Variants in NREP observed in about 807,000 individuals in gnomAD.
NREP encodes neuronal regeneration related protein.
In NREP, 5 loss-of-function variants were observed where a neutral mutation model predicts 8.6. The observed-to-expected ratio is 0.58, with a 90% CI of 0.30 to 1.22. The LOEUF (loss-of-function observed/expected upper bound fraction) is 1.22. Among genes scored for constraint, NREP ranks in the 50% most tolerant of loss-of-function variants. NREP has a pLI of 0.07. For missense variants in NREP, 86 were observed against 82.5 expected (o/e 1.04, Z -0.17); for synonymous variants, 27 against 28.0 (o/e 0.96, Z 0.11).
At chr5:111,958,770 GC>G in intron 2 of NREP, among the ~76,000 whole-genome samples, 1 of 151,848 alleles carries the variant, frequency 6.6e-6, no homozygotes. Context: ...ATAAGAATTT[GC>G]AAAAACACAG....
chr5:111,941,592 A>G (rs1755831407), intron 2 of NREP, among the ~76,000 whole-genome samples: 1 of 152,054 alleles, frequency 6.6e-6, no homozygotes, highest in African/African-American at 2.4e-5. Flanking sequence ...TCACATTCTG[A>G]AGTATTAGGG....
At chr5:111,802,576 C>T (rs749100069) in intron 2 of NREP, among the ~76,000 whole-genome samples, 7 of 151,934 alleles carry the variant, frequency 4.6e-5, no homozygotes, top group Non-Finnish European at 1.0e-4. Context: ...TTTTAAAATG[C>T]AATTTAACAA....
intron 2 of NREP, among the ~76,000 whole-genome samples, chr5:111,854,938 T>C (rs1052620030): frequency 6.6e-5 from 10 of 152,208 alleles, no homozygotes; most frequent in African/African-American, 9.6e-5. Flanking sequence ...TTAATAGCTA[T>C]GTACTATTCC....
At chr5:111,916,960 G>C (rs1004095046) in intron 2 of NREP, among the ~76,000 whole-genome samples, 1 of 152,102 alleles carries the variant, frequency 6.6e-6, no homozygotes, top group Non-Finnish European at 1.5e-5. Flanking sequence ...GAGCAGGAAA[G>C]AAAGGAAAGT....
chr5:111,929,379 A>G (rs1299289914), intron 2 of NREP, among the ~76,000 whole-genome samples: 1 of 152,214 alleles, frequency 6.6e-6, no homozygotes, highest in African/African-American at 2.4e-5. Context: ...TTGGGGAGCT[A>G]CTGAGTCCTT....
At chr5:111,896,583 C>G (rs565037037) in intron 2 of NREP, among the ~76,000 whole-genome samples, 1 of 152,148 alleles carries the variant, frequency 6.6e-6, no homozygotes, top group Admixed American at 6.6e-5. Context: ...AGAGAGGCTA[C>G]CAACCATTTA....
At chr5:111,851,487 A>AAG (rs757807450) in intron 2 of NREP, among the ~76,000 whole-genome samples, 1 of 152,028 alleles carries the variant, frequency 6.6e-6, no homozygotes, top group African/African-American at 2.4e-5. Context: ...TAAAGAGAGA[A>AAG]AGAGAGAGAG....
chr5:111,873,356 A>T (rs1046707061), intron 2 of NREP, among the ~76,000 whole-genome samples: 2 of 152,184 alleles, frequency 1.3e-5, no homozygotes, highest in Non-Finnish European at 2.9e-5. Flanking sequence ...TAATTGCTAT[A>T]TAGGCCAGAA....
chr5:111,735,363 T>C lies in NREP; in HGVS notation c.81+67A>G, dbSNP rs184832668. On this transcript the variant is annotated intron_variant, in intron 3 of 3. Coordinates refer to ENST00000257435, the MANE Select transcript of NREP (RefSeq NM_004772.4). Reference sequence around the variant, plus strand: ...AATGGGTATTCAAATGAAAAAGCTCTGATATTTTAAAACAATTGTTTCTAT... The same window carrying C: ...AATGGGTATTCAAATGAAAAAGCTCCGATATTTTAAAACAATTGTTTCTAT... 8.4e-4 allele frequency: 943 copies of C among 1,121,932 alleles called. 3 individuals are homozygous for C. Among genetic ancestry groups the C allele is most frequent in the Non-Finnish European group, 2.3e-4 (168 of 743,496 alleles). The allele number at this position is 1,121,932 out of a possible 1,614,324, so 69.5% of individuals were successfully genotyped here.
At chr5:111,765,516 G>A (rs376492465) in intron 2 of NREP, among the ~76,000 whole-genome samples, 1 of 152,192 alleles carries the variant, frequency 6.6e-6, no homozygotes, top group Non-Finnish European at 1.5e-5. Flanking sequence ...CTGTGACATA[G>A]GTATCATCAG....
intron 2 of NREP, among the ~76,000 whole-genome samples, chr5:111,946,286 A>G (rs752818742): frequency 9.2e-5 from 14 of 152,040 alleles, no homozygotes; most frequent in Admixed American, 3.9e-4. Context: ...CCAAAAAACA[A>G]GATCCTCAAA....
chr5:111,928,936 C>T (rs749650746), intron 2 of NREP, among the ~76,000 whole-genome samples: 5 of 152,004 alleles, frequency 3.3e-5, no homozygotes, highest in Admixed American at 2.6e-4. Flanking sequence ...ACAAAAAAAC[C>T]CTAGAGTAAT....
intron 2 of NREP, among the ~76,000 whole-genome samples, chr5:111,881,998 G>A (rs1581187919): frequency 6.6e-6 from 1 of 152,226 alleles, no homozygotes; most frequent in Non-Finnish European, 1.5e-5. Flanking sequence ...TTGACGAGTT[G>A]AGAGAAGAAG....
intron 2 of NREP, among the ~76,000 whole-genome samples, chr5:111,952,192 C>T (rs1265592230): frequency 6.6e-6 from 1 of 152,076 alleles, no homozygotes; most frequent in African/African-American, 2.4e-5. Context: ...AGGAAAGAAG[C>T]CCTGTCTTTT....
At chr5:111,814,787 T>G (rs1173220753) in intron 2 of NREP, among the ~76,000 whole-genome samples, 1 of 152,050 alleles carries the variant, frequency 6.6e-6, no homozygotes, top group African/African-American at 2.4e-5. Flanking sequence ...AACACATTGC[T>G]CTAGGAGTTG....
intron 1 of NREP, among the ~76,000 whole-genome samples, chr5:111,976,016 G>T (rs1756950742): frequency 6.6e-6 from 1 of 152,076 alleles, no homozygotes; most frequent in Non-Finnish European, 1.5e-5. Context: ...TTGTTAGAGT[G>T]AAACCTTTTT....
intron 2 of NREP, among the ~76,000 whole-genome samples, chr5:111,867,035 A>G (rs1305513708): frequency 6.6e-6 from 1 of 152,120 alleles, no homozygotes; most frequent in Non-Finnish European, 1.5e-5. Context: ...TTGGAGATAT[A>G]CCTAATGTTA....
rs1457719651 is a variant in NREP, at chr5:111,767,745, A to G, written c.136-32238T>C. On this transcript the variant is annotated intron_variant, in intron 2 of 3. Coordinates refer to the NREP transcript ENST00000395634. ...CAGTGGCACAATCACAGCTCACTAC[A>G]GACTCCACCTCCTAGTCTCAAGTGA... Among the ~76,000 whole-genome samples the G allele has an allele frequency of 6.6e-5, 10 of 152,252 alleles. 1 individual carries two copies. The East Asian group carries it at 1.9e-3, about 29-fold the overall frequency.
chr5:111,954,964 T>A (rs1291816397), intron 2 of NREP, among the ~76,000 whole-genome samples: 1 of 152,186 alleles, frequency 6.6e-6, no homozygotes. Context: ...GATGGGAGTT[T>A]GTTAAATTAA....
Sources: allele counts gnomAD v4.1 joint callset (sites outside exome capture counted in the v4.1 genomes callset), GRCh38; gene constraint gnomAD v4.1.1; transcripts MANE v1.5; gene names NCBI Gene and HGNC (gene_info 2026-07-23, HGNC 2026-07-21).